Variants in TAF6 observed in about 807,000 individuals in gnomAD.
TAF6 encodes TATA-box binding protein associated factor 6, also known as transcription initiation factor TFIID subunit 6.
TAF6 carries 50 observed loss-of-function variants against 73.5 expected under a neutral mutation model. The observed-to-expected ratio is 0.68, with a 90% CI of 0.54 to 0.86. The LOEUF (loss-of-function observed/expected upper bound fraction) is 0.86, where lower values mean the gene tolerates loss of function less well. Among genes scored for constraint, TAF6 ranks in the 40% least tolerant of loss-of-function variants. TAF6 has a pLI of 0.00. For missense variants in TAF6, 768 were observed against 899.5 expected, an observed-to-expected ratio of 0.85 and a Z score of 1.87; for synonymous variants, 424 against 376.7, an observed-to-expected ratio of 1.13 and a Z score of -1.45.
intron 13 of TAF6, 23 bp from the exon 14 acceptor site, chr7:100,108,146 G>A (rs1197065288): frequency 6.3e-7 from 1 of 1,575,286 alleles, no homozygotes; most frequent in Admixed American, 1.9e-5. Flanking sequence ...GAGGAAAGGG[G>A]GAAGTGGCAC....
upstream of TAF6, among the ~76,000 whole-genome samples, chr7:100,124,245 T>G (rs1009292187): frequency 1.3e-5 from 2 of 151,894 alleles, no homozygotes; most frequent in Admixed American, 1.3e-4. Flanking sequence ...TAGCCTCATT[T>G]TACCCTTAAC....
At chr7:100,112,487 C>T (rs1023577190) in intron 6 of TAF6, among the ~76,000 whole-genome samples, 5 of 151,788 alleles carry the variant, frequency 3.3e-5, no homozygotes, top group Non-Finnish European at 5.9e-5. Flanking sequence ...CCAAGGCGGG[C>T]GGATCACATG....
Position 100,117,781 on chromosome 7 carries a change from G to T in TAF6, c.-60+1423C>A, listed in dbSNP as rs1184986946. On this transcript the variant is annotated intron_variant, in intron 1 of 14. Transcript: ENST00000453269. ...AACTGGGCCGGCCGTGGTGGCTCAC[G>T]CCTGTAATCCCAGCACTTTGGGAGG... 2.0e-5 allele frequency among the ~76,000 whole-genome samples: 3 copies of T among 151,226 alleles called. 1 individual carries two copies. In the South Asian group the frequency reaches 6.4e-4, roughly 32 times the overall value.
rs1231373242 is a variant in TAF6 at position 100,111,980 on chromosome 7, G to A, written c.740C>T (p.Ala247Val). ...AKRAEALQSI[A>V]TDPGLYQMLP... ...CATCTGATACAGTCCAGGGTCCGTG[G>A]CAATGCTTTGCAGGGCTTCCTGTGG... is the stretch of plus-strand genomic sequence containing the variant. The change falls in exon 8 of 15, where the codon GCC (alanine) becomes GTC (valine). Residue 247 changes from alanine (A) to valine (V), a missense_variant. Transcript: ENST00000453269. 2 of 1,614,100 alleles carry A rather than the reference G, an allele frequency of 1.2e-6. No individual in the cohort carries two copies. The highest frequency in any genetic ancestry group is 1.7e-6 in the Non-Finnish European group (2 of 1,179,998).
chr7:100,108,322 TCTC>T (rs769923525), intron 13 of TAF6, 42 bp downstream of exon 13: 18 of 1,557,874 alleles, frequency 1.2e-5, no homozygotes, highest in African/African-American at 6.8e-5. Context: ...ACACAGGGGT[TCTC>T]CTCTGCTTCC....
chr7:100,118,884 TG>T (rs1797906583), intron 1 of TAF6: 1 of 985,348 alleles, frequency 1.0e-6, no homozygotes, highest in Non-Finnish European at 1.2e-6. Flanking sequence ...ACATACTCTG[TG>T]CCTGGCGCCG....
At position 100,113,505 on chromosome 7, in the gene TAF6, C is replaced by T; in HGVS notation, c.398-100G>A. 2.0e-6 allele frequency: 3 copies of T among 1,536,776 alleles called. 1 individual carries two copies. In the South Asian group the frequency reaches 3.7e-5, roughly 19 times the overall value. ...GTTTCCACTCCTGCTCCCCTTGCAA[C>T]TCACCAGGGATCTCACACTGAGCTT... On this transcript the variant is annotated intron_variant, in intron 4 of 14. Coordinates refer to ENST00000453269, the MANE Select transcript of TAF6 (RefSeq NM_139315.3).
Position 100,107,307 on chromosome 7 carries a change from G to A in TAF6, c.1973C>T (p.Pro658Leu). Residue 658 changes from proline to leucine, a missense_variant, in exon 15 of 15, where the codon CCA becomes CTA. Pro to Leu is a moderately conservative substitution (Grantham distance 98). Transcript: ENST00000453269. Reference protein sequence around the residue: ...QEAGDSPPPAPGTPKANGSQP... With the variant: ...QEAGDSPPPALGTPKANGSQP... ...GGAGCCATTGGCTTTTGGAGTCCCTGGAGCTGGAGGGGGACTGTCCCCAGC... is the reference window on the plus strand; with the variant it reads ...GGAGCCATTGGCTTTTGGAGTCCCTAGAGCTGGAGGGGGACTGTCCCCAGC... 1 of 1,529,236 alleles carries A rather than the reference G, an allele frequency of 6.5e-7. No individual in the cohort carries two copies. 94.7% of individuals were successfully genotyped at this position (1,529,236 alleles called of 1,614,324 possible). A position where few individuals can be genotyped will look rare whatever the true frequency, so the allele number is the denominator to read the frequency against.
upstream of TAF6, chr7:100,124,433 C>A: frequency 1.8e-6 from 2 of 1,093,270 alleles, no homozygotes; most frequent in South Asian, 1.3e-5. Flanking sequence ...CAAAATCAGT[C>A]AGGTTGAGCA....
upstream of TAF6, among the ~76,000 whole-genome samples, chr7:100,123,401 G>A (rs1018757941): frequency 1.3e-5 from 2 of 152,034 alleles, no homozygotes; most frequent in Admixed American, 6.6e-5. Context: ...GGGTGGAGTG[G>A]CTCACAACTG....
chr7:100,110,415 C>G, intron 10 of TAF6, 141 bp from the exon 11 acceptor site: 1 of 903,024 alleles, frequency 1.1e-6, no homozygotes, highest in South Asian at 1.5e-5. Flanking sequence ...ACCTGTAATC[C>G]CAGCACTTTG....
Position 100,107,860 on chromosome 7 carries a change from C to A in TAF6, c.1656+66G>T. On this transcript the variant is annotated intron_variant, in intron 14 of 14. Coordinates refer to ENST00000453269, the MANE Select transcript of TAF6 (RefSeq NM_139315.3). ...GAGGGGACTGTGCTCTACTCCTGGGCCTCCCCAGGGTGCTCTGAGGTAACC... is the reference window on the plus strand; with the variant it reads ...GAGGGGACTGTGCTCTACTCCTGGGACTCCCCAGGGTGCTCTGAGGTAACC... 4 of 1,530,650 alleles carry A rather than the reference C, an allele frequency of 2.6e-6. No homozygotes were observed. In the Admixed American group the frequency reaches 7.8e-5, roughly 30 times the overall value. The allele number at this position is 1,530,650 out of a possible 1,614,324, so 94.8% of individuals were successfully genotyped here.
At chr7:100,124,954 C>G in the TAF6 span, 1 of 1,504,278 alleles carries the variant, frequency 6.6e-7, no homozygotes, top group East Asian at 2.3e-5. Flanking sequence ...TGCACTCTCC[C>G]TGCTCCACAG....
Position 100,110,331 on chromosome 7 carries a change from G to A in TAF6, c.1084-57C>T, listed in dbSNP as rs183985165. On this transcript the variant is annotated intron_variant, in intron 10 of 14. Coordinates refer to ENST00000453269, the MANE Select transcript of TAF6 (RefSeq NM_139315.3). Reference sequence around the variant, plus strand: ...GGGGTCTGAAAGGATGATTGACAGGGACCTAAGTCTTTCATAGACACTTTC... The same window carrying A: ...GGGGTCTGAAAGGATGATTGACAGGAACCTAAGTCTTTCATAGACACTTTC... The A allele has an allele frequency of 9.2e-5, 144 of 1,566,494 alleles. 1 individual carries two copies. Among genetic ancestry groups the A allele is most frequent in the East Asian group, 3.4e-4 (15 of 44,596 alleles).
At chr7:100,124,612 G>C, upstream of TAF6, 1 of 1,613,200 alleles carries the variant, frequency 6.2e-7, no homozygotes, top group Non-Finnish European at 8.5e-7. Context: ...AAGGTCATGT[G>C]CTCCCAGCTG....
At chr7:100,116,307 G>A (rs4134889) in intron 1 of TAF6, among the ~76,000 whole-genome samples, 4,678 of 151,980 alleles carry the variant, frequency 0.031, 251 homozygotes, top group African/African-American at 0.11. Context: ...AGACTGCTTG[G>A]GCTTAGGAAT....
chr7:100,116,063 A>G (rs1467147009), intron 1 of TAF6, among the ~76,000 whole-genome samples: 1 of 152,144 alleles, frequency 6.6e-6, no homozygotes, highest in Non-Finnish European at 1.5e-5. Flanking sequence ...GGTAACTCCA[A>G]AAACCTCCTA....
upstream of TAF6, chr7:100,122,611 TCAGATA>T: frequency 6.4e-7 from 1 of 1,559,518 alleles, no homozygotes; most frequent in Non-Finnish European, 8.7e-7. Context: ...ACCCCACTTC[TCAGATA>T]CAAAGATCTG....
At chr7:100,119,493 T>C (rs970082035), upstream of TAF6, 2 of 1,347,094 alleles carry the variant, frequency 1.5e-6, no homozygotes, top group Admixed American at 3.1e-5. Flanking sequence ...TAAGGAGCAC[T>C]CCCTCTTGGT....
Sources: allele counts gnomAD v4.1 joint callset (sites outside exome capture counted in the v4.1 genomes callset), GRCh38; gene constraint gnomAD v4.1.1; transcripts MANE v1.5; gene names NCBI Gene and HGNC (gene_info 2026-07-23, HGNC 2026-07-21).